UQCC1: variants seen among roughly 807,000 people sequenced by gnomAD.
UQCC1 encodes bFGF-repressed Zic-binding protein.
In UQCC1, 38 loss-of-function variants were observed where a neutral mutation model predicts 48.0. The ratio of observed to expected loss-of-function variants is 0.79; its 90% CI spans 0.61 to 1.04. The LOEUF (loss-of-function observed/expected upper bound fraction) is 1.04. Among genes scored for constraint, UQCC1 ranks in the 50% least tolerant of loss-of-function variants. The pLI is 0.00. For missense variants in UQCC1, 368 were observed against 381.8 expected, an observed-to-expected ratio of 0.96 and a Z score of 0.30; for synonymous variants, 111 against 129.2, an observed-to-expected ratio of 0.86 and a Z score of 0.95.
At chr20:35,405,107 T>C (rs2062232161) in intron 1 of UQCC1, among the ~76,000 whole-genome samples, 1 of 152,152 alleles carries the variant, frequency 6.6e-6, no homozygotes, top group Non-Finnish European at 1.5e-5. Context: ...GGCAGAGTTA[T>C]CGAATGCCTG....
chr20:35,376,241 G>A (rs2061797973), intron 4 of UQCC1, among the ~76,000 whole-genome samples: 2 of 152,096 alleles, frequency 1.3e-5, no homozygotes, highest in South Asian at 4.1e-4. Flanking sequence ...CTGGGAGGGA[G>A]AGGATGCAGT....
In UQCC1 at chr20:35,386,488, A is replaced by G. The variant is rs2061945232; in HGVS notation, c.130-2355T>C. The G allele has an allele frequency of 7.8e-6, 3 of 384,536 alleles. No homozygotes were observed. In the Admixed American group the frequency reaches 1.0e-4, roughly 13 times the overall value. The allele number at this position is 384,536 out of a possible 1,614,324, so 23.8% of individuals were successfully genotyped here. A position where few individuals can be genotyped will look rare whatever the true frequency, so the allele number is the denominator to read the frequency against. ...AAAATTAGTCAGGATTCTTCTGGTC[A>G]GTCCCAAGGACACTTAGGCTTTAAT... On this transcript the variant is annotated intron_variant, in intron 2 of 9. Coordinates refer to ENST00000374385, the MANE Select transcript of UQCC1 (RefSeq NM_018244.5).
chr20:35,370,712 CA>C (rs2061720782), intron 5 of UQCC1, among the ~76,000 whole-genome samples: 1 of 152,188 alleles, frequency 6.6e-6, no homozygotes, highest in Non-Finnish European at 1.5e-5. Context: ...CCAATAGATT[CA>C]CACTATAATT....
intron 3 of UQCC1, 139 bp downstream of exon 3, chr20:35,383,899 A>G (rs2061906194): frequency 3.2e-6 from 2 of 630,720 alleles, no homozygotes; most frequent in Non-Finnish European, 2.7e-6. Flanking sequence ...CATCCTTGTG[A>G]CCTTGGGCAA....
At chr20:35,401,071 C>G (rs2062157572) in intron 1 of UQCC1, among the ~76,000 whole-genome samples, 1 of 152,160 alleles carries the variant, frequency 6.6e-6, no homozygotes, top group Non-Finnish European at 1.5e-5. Context: ...TTAGCAAATA[C>G]TGAACCATTG....
At chr20:35,397,492 G>T (rs1272189828) in intron 1 of UQCC1, among the ~76,000 whole-genome samples, 1 of 148,292 alleles carries the variant, frequency 6.7e-6, no homozygotes, top group East Asian at 2.0e-4. Flanking sequence ...CTCCAGCCTG[G>T]GTGACAGAGC....
intron 8 of UQCC1, among the ~76,000 whole-genome samples, chr20:35,307,480 G>A (rs2060942511): frequency 6.6e-6 from 1 of 152,186 alleles, no homozygotes; most frequent in African/African-American, 2.4e-5. Context: ...AGCAAAATAA[G>A]AGCCCCAGCC....
At chr20:35,338,908 TGG>T (rs1474418286) in intron 7 of UQCC1, among the ~76,000 whole-genome samples, 7,074 of 69,560 alleles carry the variant, frequency 0.1, 1,207 homozygotes, top group African/African-American at 0.21. Flanking sequence ...TATATATATA[TGG>T]AGAGATTTTT....
rs1226221559 is a variant in UQCC1, at chr20:35,410,660, G to C, written c.24+1280C>G. ...CAGAAGTTGCAGTGAGCCCGAGATG[G>C]CACCACTGCACTCCAGCTTCGGCGA... is the stretch of plus-strand genomic sequence containing the variant. On this transcript the variant is annotated intron_variant, in intron 1 of 9. Coordinates refer to ENST00000374385, the MANE Select transcript of UQCC1 (RefSeq NM_018244.5). 1.2e-4 allele frequency among the ~76,000 whole-genome samples: 14 copies of C among 120,464 alleles called. No homozygotes were observed. In the East Asian group the frequency reaches 3.2e-3, roughly 28 times the overall value. The allele number at this position is 120,464 out of a possible 152,430, so 79.0% of individuals were successfully genotyped here.
At chr20:35,411,878 G>A in intron 1 of UQCC1, 62 bp downstream of exon 1, 7 of 1,607,334 alleles carry the variant, frequency 4.4e-6, no homozygotes, top group Non-Finnish European at 6.0e-6. Flanking sequence ...CTCCCGCCCT[G>A]CCTTGTCGAA....
intron 2 of UQCC1, among the ~76,000 whole-genome samples, chr20:35,385,265 T>G (rs919727589): frequency 9.2e-5 from 14 of 152,176 alleles, no homozygotes; most frequent in African/African-American, 3.4e-4. Flanking sequence ...TAGCAGAAGT[T>G]TCCATCATCA....
chr20:35,334,576 A>T (rs976627976), intron 7 of UQCC1, among the ~76,000 whole-genome samples: 25 of 152,188 alleles, frequency 1.6e-4, no homozygotes, highest in African/African-American at 5.5e-4. Context: ...CATTCTCAGC[A>T]ATTTAAAAAC....
In UQCC1 at chr20:35,341,130, A is replaced by G. The variant is rs2061372266; in HGVS notation, c.573+6034T>C. On this transcript the variant is annotated intron_variant, in intron 7 of 9. Transcript: ENST00000374385. ...CAGCTACTCAGGAGGCTGAGGCAGAAGAATCGCTGGAACCCAGGAGGCAGA... is the reference window on the plus strand; with the variant it reads ...CAGCTACTCAGGAGGCTGAGGCAGAGGAATCGCTGGAACCCAGGAGGCAGA... 1.3e-5 allele frequency among the ~76,000 whole-genome samples: 2 copies of G among 151,618 alleles called. 1 individual carries two copies. The highest frequency in any genetic ancestry group is 4.2e-4 in the South Asian group (2 of 4,808).
At chr20:35,314,790 A>C (rs762294821) in intron 7 of UQCC1, 25 bp from the exon 8 acceptor site, 3 of 1,567,118 alleles carry the variant, frequency 1.9e-6, no homozygotes. Context: ...GGCAAAAACA[A>C]AAGTTTGAAA....
chr20:35,344,695 G>A (rs926385877), intron 7 of UQCC1: 3 of 152,346 alleles, frequency 2.0e-5, no homozygotes, highest in African/African-American at 7.2e-5. Flanking sequence ...CTGGGCAGCT[G>A]TGATATTGTG....
rs2060902559 is a variant in UQCC1, at chr20:35,304,192, A to G, written c.766-123T>C. 2.3e-6 allele frequency: 3 copies of G among 1,318,880 alleles called. No individual in the cohort carries two copies. In the East Asian group the frequency reaches 7.4e-5, roughly 32 times the overall value. The allele number at this position is 1,318,880 out of a possible 1,614,324, so 81.7% of individuals were successfully genotyped here. ...GGACGGGGCATGAGGGGGGCTTCTGACCATCCCAGGTCCCAGACCAAGCCG... is the reference window on the plus strand; with the variant it reads ...GGACGGGGCATGAGGGGGGCTTCTGGCCATCCCAGGTCCCAGACCAAGCCG... On this transcript the variant is annotated intron_variant, in intron 9 of 9. Transcript: ENST00000374385.
chr20:35,403,216 AGAAAG>A (rs2062194536), intron 1 of UQCC1, among the ~76,000 whole-genome samples: 1 of 152,236 alleles, frequency 6.6e-6, no homozygotes. Context: ...TTTCTATCAG[AGAAAG>A]GAGTTAACAA....
intron 7 of UQCC1, among the ~76,000 whole-genome samples, chr20:35,338,299 T>C (rs2061335723): frequency 1.3e-5 from 2 of 152,124 alleles, no homozygotes; most frequent in Admixed American, 6.5e-5. Flanking sequence ...GCCTTTAGAT[T>C]CAAGAAAAGC....
At chr20:35,347,840 GC>G (rs576318821) in intron 6 of UQCC1, among the ~76,000 whole-genome samples, 25 of 152,210 alleles carry the variant, frequency 1.6e-4, no homozygotes, top group African/African-American at 5.3e-4. Context: ...TTTTAATACT[GC>G]TTTCATGTTG....
Sources: allele counts gnomAD v4.1 joint callset (sites outside exome capture counted in the v4.1 genomes callset), GRCh38; gene constraint gnomAD v4.1.1; transcripts MANE v1.5; gene names NCBI Gene and HGNC (gene_info 2026-07-23, HGNC 2026-07-21).